Variants in TSHZ3 observed in about 807,000 individuals in gnomAD.
The protein encoded by TSHZ3 is teashirt zinc finger homeobox 3.
A neutral mutation model predicts 64.5 loss-of-function variants in TSHZ3; 10 were observed. The observed-to-expected ratio is 0.16, with a 90% CI of 0.10 to 0.26. TSHZ3 has a LOEUF of 0.26. Ranked by LOEUF, TSHZ3 falls within the 10% of genes least tolerant of loss-of-function variation. TSHZ3 has a pLI of 1.00. For missense variants in TSHZ3, 1,242 were observed against 1,421.7 expected (o/e 0.87, Z 2.03); for synonymous variants, 608 against 593.1 (o/e 1.03, Z -0.36).
intron 5 of TSHZ3, among the ~76,000 whole-genome samples, chr19:31,192,761 G>A (rs1264903995): frequency 6.6e-6 from 1 of 152,262 alleles, no homozygotes; most frequent in Non-Finnish European, 1.5e-5. Context: ...TTATGTTGAC[G>A]CAAACAACAC....
At position 31,186,683 on chromosome 19, in the gene TSHZ3, G is replaced by A. The variant is rs144939421; in HGVS notation, n.809+18273C>T. Among the ~76,000 whole-genome samples the A allele has an allele frequency of 4.4e-3, 664 of 152,288 alleles. 3 individuals are homozygous for A. The highest frequency in any genetic ancestry group is 0.015 in the African/African-American group (616 of 41,562). On this transcript the variant is annotated intron_variant and non_coding_transcript_variant, in intron 5 of 6. Coordinates refer to the TSHZ3 transcript ENST00000651361. ...ATTTTTCATTTAGCCAACAATGTAA[G>A]AGAGCTCTGCAACCTGTTTATTCCA...
intron 1 of TSHZ3, among the ~76,000 whole-genome samples, chr19:31,307,236 C>T (rs1916326580): frequency 6.6e-6 from 1 of 152,150 alleles, no homozygotes; most frequent in South Asian, 2.1e-4. Context: ...CAAGTGCCCG[C>T]CCTGTTCTCT....
chr19:31,283,388 A>G (rs992592075), intron 1 of TSHZ3, among the ~76,000 whole-genome samples: 43 of 152,334 alleles, frequency 2.8e-4, no homozygotes, highest in African/African-American at 1.0e-3. Flanking sequence ...CATGCTTTGC[A>G]ATAATTTCAC....
intron 5 of TSHZ3, among the ~76,000 whole-genome samples, chr19:31,196,098 T>C (rs1439348640): frequency 1.3e-5 from 2 of 151,946 alleles, no homozygotes; most frequent in East Asian, 3.8e-4. Flanking sequence ...TGTGTATGTA[T>C]ACATGTATAT....
rs150297278 is a variant in TSHZ3, at chr19:31,316,796, A to G, written c.40+32384T>C. On this transcript the variant is annotated intron_variant, in intron 1 of 1. Coordinates refer to ENST00000240587, the MANE Select transcript of TSHZ3 (RefSeq NM_020856.4). Reference sequence around the variant, plus strand: ...GAGAGAGAGAGAAGGAGAAACAGGCAGAGAGAGACAGAAGCCAACCCCCGC... The same window carrying G: ...GAGAGAGAGAGAAGGAGAAACAGGCGGAGAGAGACAGAAGCCAACCCCCGC... 2.6e-3 allele frequency among the ~76,000 whole-genome samples: 392 copies of G among 152,126 alleles called. 2 individuals carry two copies. Among genetic ancestry groups the G allele is most frequent in the African/African-American group, 9.2e-3 (381 of 41,552 alleles).
chr19:31,252,709 A>G (rs1975858130), intron 1 of TSHZ3, among the ~76,000 whole-genome samples: 1 of 152,186 alleles, frequency 6.6e-6, no homozygotes, highest in Non-Finnish European at 1.5e-5. Flanking sequence ...CTCCCCAGCC[A>G]TGCGGAACTG....
intron 5 of TSHZ3, among the ~76,000 whole-genome samples, chr19:31,165,673 G>A (rs1256671380): frequency 6.6e-6 from 1 of 152,146 alleles, no homozygotes; most frequent in Admixed American, 6.5e-5. Context: ...ATCCAATATT[G>A]TAAACTCTGT....
At chr19:31,207,309 T>C (rs1975194294) in intron 4 of TSHZ3, among the ~76,000 whole-genome samples, 1 of 152,244 alleles carries the variant, frequency 6.6e-6, no homozygotes, top group Non-Finnish European at 1.5e-5. Context: ...CATTTCCAAT[T>C]GTTTCCCTTC....
intron 5 of TSHZ3, among the ~76,000 whole-genome samples, chr19:31,175,238 C>A (rs376455930): frequency 6.6e-6 from 1 of 152,110 alleles, no homozygotes; most frequent in African/African-American, 2.4e-5. Flanking sequence ...TCTTACATTG[C>A]GCTTTCCTGT....
At chr19:31,320,973 G>A (rs1916753742) in intron 1 of TSHZ3, among the ~76,000 whole-genome samples, 2 of 152,168 alleles carry the variant, frequency 1.3e-5, no homozygotes, top group South Asian at 2.1e-4. Flanking sequence ...AGGTCATCCG[G>A]CCCAGAGCCT....
At position 31,206,076 on chromosome 19, in the gene TSHZ3, AATGGATGGATGGATGGATGG is replaced by A. The variant is rs58291208; in HGVS notation, n.687-1018_687-999del. Among the ~76,000 whole-genome samples, 45 of 145,556 alleles carry A rather than the reference AATGGATGGATGGATGGATGG, an allele frequency of 3.1e-4. 1 individual carries two copies. Among genetic ancestry groups the A allele is most frequent in the Middle Eastern group, 6.9e-3 (2 of 288 alleles). On this transcript the variant is annotated intron_variant and non_coding_transcript_variant, in intron 4 of 6. Transcript: ENST00000651361. ...GATAAATGAATAGATGGATGGGTGAAATGGATGGATGGATGGATGGATGGATGGATGGATGGATGGATGGA... is the reference window on the plus strand; with the variant it reads ...GATAAATGAATAGATGGATGGGTGAAATGGATGGATGGATGGATGGATGGA...
chr19:31,350,409 A>C (rs1599667311), upstream of TSHZ3, among the ~76,000 whole-genome samples: 1 of 146,480 alleles, frequency 6.8e-6, no homozygotes, highest in East Asian at 2.1e-4. Context: ...GGGTCCCTCC[A>C]CCCCGCCCCT....
intron 5 of TSHZ3, among the ~76,000 whole-genome samples, chr19:31,188,725 T>C (rs944285759): frequency 6.6e-6 from 1 of 151,968 alleles, no homozygotes; most frequent in African/African-American, 2.4e-5. Context: ...GCATTTAAGT[T>C]CATGAGAAAT....
At chr19:31,204,722 A>G (rs1975140809) in intron 5 of TSHZ3, 1 of 152,206 alleles carries the variant, frequency 6.6e-6, no homozygotes, top group Non-Finnish European at 1.5e-5. Context: ...TTCCGTCCTG[A>G]GTTGTCTTTC....
At chr19:31,287,503 C>T (rs35435920) in intron 1 of TSHZ3, among the ~76,000 whole-genome samples, 17,467 of 151,474 alleles carry the variant, frequency 0.12, 1,292 homozygotes, top group East Asian at 0.33. Flanking sequence ...AAGAAAGGAC[C>T]GAAGAGGGAA....
intron 1 of TSHZ3, among the ~76,000 whole-genome samples, chr19:31,286,112 G>A (rs73927332): frequency 0.03 from 4,512 of 152,182 alleles, 96 homozygotes; most frequent in African/African-American, 0.053. Context: ...GGCTGCACCC[G>A]CTTCCCCACA....
At chr19:31,341,349 G>A (rs1389185696) in intron 1 of TSHZ3, among the ~76,000 whole-genome samples, 2 of 152,230 alleles carry the variant, frequency 1.3e-5, no homozygotes, top group East Asian at 3.9e-4. Flanking sequence ...CTTCCCTGAT[G>A]TCCTGTGGTG....
chr19:31,179,036 T>TTGATGAC (rs397764840), intron 5 of TSHZ3, among the ~76,000 whole-genome samples: 2 of 88,198 alleles, frequency 2.3e-5, no homozygotes, highest in Admixed American at 1.0e-4. Flanking sequence ...ATGATGATGA[T>TTGATGAC]GATGATGATG....
At chr19:31,270,446 C>G (rs558120426), downstream of TSHZ3, among the ~76,000 whole-genome samples, 1 of 152,200 alleles carries the variant, frequency 6.6e-6, no homozygotes, top group Non-Finnish European at 1.5e-5. Flanking sequence ...CCTGGGATTA[C>G]AGGTGCACGC....
Sources: allele counts gnomAD v4.1 joint callset (sites outside exome capture counted in the v4.1 genomes callset), GRCh38; gene constraint gnomAD v4.1.1; transcripts MANE v1.5; gene names NCBI Gene and HGNC (gene_info 2026-07-23, HGNC 2026-07-21).